The following SLC36A1 variants were observed in gnomAD, a reference collection of about 807,000 sequenced individuals.
SLC36A1 encodes solute carrier family 36 member 1, also known as proton-coupled amino acid transporter 1.
SLC36A1 carries 30 observed loss-of-function variants against 47.5 expected under a neutral mutation model. The observed-to-expected ratio is 0.63, with a 90% CI of 0.47 to 0.86. The LOEUF (loss-of-function observed/expected upper bound fraction) is 0.86, where lower values mean the gene tolerates loss of function less well. Ranked by LOEUF, SLC36A1 falls within the 40% of genes least tolerant of loss-of-function variation. The pLI is 0.00. For missense variants in SLC36A1, 517 were observed against 606.0 expected, an observed-to-expected ratio of 0.85 and a Z score of 1.54; for synonymous variants, 255 against 249.7, an observed-to-expected ratio of 1.02 and a Z score of -0.20.
chr5:151,472,026 T>C (rs193206239), intron 7 of SLC36A1, among the ~76,000 whole-genome samples: 1 of 152,310 alleles, frequency 6.6e-6, no homozygotes, highest in African/African-American at 2.4e-5. Context: ...CTGGAGACTG[T>C]TGTTCGGTGG....
At chr5:151,427,055 T>C in the SLC36A1 span, among the ~76,000 whole-genome samples, 4 of 152,306 alleles carry the variant, frequency 2.6e-5, no homozygotes, top group South Asian at 6.2e-4. Context: ...GAATTTTTCT[T>C]AGTACATGAA....
chr5:151,375,513 T>C, the SLC36A1 span, among the ~76,000 whole-genome samples: 6 of 152,192 alleles, frequency 3.9e-5, no homozygotes, highest in African/African-American at 1.4e-4. Flanking sequence ...AGCTCTATTC[T>C]TTTTGCTTTG....
chr5:151,545,564 G>A, the SLC36A1 span: 4 of 1,614,138 alleles, frequency 2.5e-6, no homozygotes, highest in Non-Finnish European at 3.4e-6. Flanking sequence ...ACTTGGGCAG[G>A]TCTGGGTGCA....
At chr5:151,466,613 C>A (rs78539227) in intron 5 of SLC36A1, among the ~76,000 whole-genome samples, 1,870 of 152,230 alleles carry the variant, frequency 0.012, 30 homozygotes, top group African/African-American at 0.042. Flanking sequence ...GTTTCTGTGT[C>A]CTTAATGTGG....
the SLC36A1 span, among the ~76,000 whole-genome samples, chr5:151,500,965 T>G: frequency 6.6e-6 from 1 of 152,000 alleles, no homozygotes; most frequent in African/African-American, 2.4e-5. Context: ...CGGGGCCTGG[T>G]GGGGAGAGGA....
the SLC36A1 span, among the ~76,000 whole-genome samples, chr5:151,539,567 T>C: frequency 6.6e-6 from 1 of 152,212 alleles, no homozygotes; most frequent in South Asian, 2.1e-4. Context: ...TGTGGGTATG[T>C]ATAACTGTGC....
intron 5 of SLC36A1, 132 bp downstream of exon 5, chr5:151,465,301 C>T: frequency 8.1e-6 from 6 of 737,628 alleles, no homozygotes; most frequent in Non-Finnish European, 1.4e-5. Context: ...GGCTGTGGCT[C>T]AGCTCTGCTG....
chr5:151,449,400 G>A (rs1375752146), intron 1 of SLC36A1, among the ~76,000 whole-genome samples: 1 of 152,224 alleles, frequency 6.6e-6, no homozygotes, highest in Non-Finnish European at 1.5e-5. Context: ...CAAACTTTGT[G>A]TTTGTCTGGG....
chr5:151,505,673 C>A, the SLC36A1 span: 1 of 1,614,008 alleles, frequency 6.2e-7, no homozygotes, highest in East Asian at 2.2e-5. Flanking sequence ...GTGCCCCCTC[C>A]ACCTCACAGA....
the SLC36A1 span, among the ~76,000 whole-genome samples, chr5:151,358,884 G>A: frequency 6.7e-6 from 1 of 148,550 alleles, no homozygotes; most frequent in Non-Finnish European, 1.5e-5. Flanking sequence ...TGAGGCAGGA[G>A]AATGGCGTGA....
chr5:151,473,469 CA>C (rs1561768662), intron 7 of SLC36A1, among the ~76,000 whole-genome samples: 1 of 152,114 alleles, frequency 6.6e-6, no homozygotes, highest in African/African-American at 2.4e-5. Context: ...GTCTTTCCCC[CA>C]AACAAGTGGG....
chr5:151,464,563 T>A lies in SLC36A1; in HGVS notation c.284T>A (p.Met95Lys). The stretch of plus-strand genomic sequence containing the variant: ...ATAGGCATCGTGGCCGTGCACTGCA[T>A]GGGTATCCTGGTGAAATGTGCTCAC... ...LIIGIVAVHC[M>K]GILVKCAHHF... The change falls in exon 4 of 11, where the codon ATG becomes AAG. Residue 95 changes from methionine (M) to lysine (K), a missense_variant. Transcript: ENST00000243389. The A allele has an allele frequency of 1.9e-6, 3 of 1,614,132 alleles. No homozygotes were observed. Among genetic ancestry groups the A allele is most frequent in the Non-Finnish European group, 2.5e-6 (3 of 1,180,044 alleles).
At chr5:151,425,349 C>G in the SLC36A1 span, 2 of 152,354 alleles carry the variant, frequency 1.3e-5, no homozygotes, top group African/African-American at 4.8e-5. Context: ...GGCTCAGGAG[C>G]TGCAAGTCAA....
chr5:151,524,247 T>C, the SLC36A1 span, among the ~76,000 whole-genome samples: 1 of 152,230 alleles, frequency 6.6e-6, no homozygotes, highest in Non-Finnish European at 1.5e-5. Context: ...TTGGATGCCC[T>C]GGTTTGTCAA....
At chr5:151,451,264 G>T (rs910075095) in intron 1 of SLC36A1, among the ~76,000 whole-genome samples, 10 of 151,910 alleles carry the variant, frequency 6.6e-5, no homozygotes, top group Middle Eastern at 3.4e-3. Flanking sequence ...TTTTGTCCAC[G>T]CTGGTCTTGA....
the SLC36A1 span, among the ~76,000 whole-genome samples, chr5:151,415,267 C>T: frequency 2.6e-5 from 4 of 152,138 alleles, no homozygotes; most frequent in African/African-American, 9.7e-5. Context: ...CCTTCTTATG[C>T]TTGGAAGCCT....
At chr5:151,410,192 T>C in the SLC36A1 span, among the ~76,000 whole-genome samples, 2 of 152,136 alleles carry the variant, frequency 1.3e-5, no homozygotes, top group African/African-American at 4.8e-5. Context: ...GCAGGAACTT[T>C]ATCTGATTTG....
chr5:151,468,024 G>C, intron 7 of SLC36A1, 99 bp downstream of exon 7: 1 of 978,556 alleles, frequency 1.0e-6, no homozygotes, highest in Non-Finnish European at 1.5e-6. Context: ...GGGAGGTGGG[G>C]GCGGGTGGAT....
intron 10 of SLC36A1, among the ~76,000 whole-genome samples, chr5:151,483,525 GT>G (rs201315809): frequency 9.6e-4 from 143 of 148,844 alleles, no homozygotes; most frequent in South Asian, 4.3e-3. Flanking sequence ...TGTGGGGGGG[GT>G]GATTAGGGGA....
Sources: allele counts gnomAD v4.1 joint callset (sites outside exome capture counted in the v4.1 genomes callset), GRCh38; gene constraint gnomAD v4.1.1; transcripts MANE v1.5; gene names NCBI Gene and HGNC (gene_info 2026-07-23, HGNC 2026-07-21).